PI4KA: variants seen among roughly 807,000 people sequenced by gnomAD.
PI4KA encodes PI4-kinase alpha.
Under a neutral mutation model 271.4 loss-of-function variants are expected in PI4KA, and 122 were observed. That is an observed-to-expected ratio of 0.45 (90% confidence interval 0.39 to 0.52). The LOEUF is 0.52. Ranked by LOEUF, PI4KA falls within the 20% of genes least tolerant of loss-of-function variation. The probability of loss-of-function intolerance (pLI) is 0.00; values close to 1 mark genes in which losing one functional copy is unlikely to be tolerated. For synonymous variants in PI4KA, 1,041 were observed against 1,078.8 expected (o/e 0.96, Z 0.69); for missense variants, 1,969 against 2,769.1 (o/e 0.71, Z 6.48).
chr22:20,747,044 C>T (rs541002130), intron 29 of PI4KA, among the ~76,000 whole-genome samples: 20 of 152,352 alleles, frequency 1.3e-4, no homozygotes, highest in African/African-American at 4.3e-4. Flanking sequence ...GCCCCAGTCA[C>T]ATGGCCAGGT....
intron 42 of PI4KA, among the ~76,000 whole-genome samples, chr22:20,722,756 C>T (rs911900075): frequency 1.3e-5 from 2 of 152,146 alleles, no homozygotes; most frequent in African/African-American, 4.8e-5. Flanking sequence ...GGTGAAGTGT[C>T]CCTTGGATGG....
At chr22:20,855,867 C>T (rs767920763) in intron 1 of PI4KA, among the ~76,000 whole-genome samples, 12 of 152,198 alleles carry the variant, frequency 7.9e-5, no homozygotes, top group Non-Finnish European at 1.6e-4. Flanking sequence ...CTAATAGTTA[C>T]AGGATTGAGG....
At chr22:20,832,096 C>A (rs1164689046) in intron 3 of PI4KA, among the ~76,000 whole-genome samples, 1 of 147,266 alleles carries the variant, frequency 6.8e-6, no homozygotes, top group Non-Finnish European at 1.5e-5. Flanking sequence ...TTGGTCAATT[C>A]TGTTGTTTAT....
intron 39 of PI4KA, among the ~76,000 whole-genome samples, chr22:20,729,068 T>C (rs1388363100): frequency 6.6e-6 from 1 of 152,206 alleles, no homozygotes; most frequent in Non-Finnish European, 1.5e-5. Context: ...ACCCTGCTGC[T>C]ACCTCCCTAG....
At chr22:20,782,953 T>TA (rs1240324825) in intron 19 of PI4KA, among the ~76,000 whole-genome samples, 1 of 150,954 alleles carries the variant, frequency 6.6e-6, no homozygotes, top group Non-Finnish European at 1.5e-5. Flanking sequence ...CTGGCTGCTC[T>TA]ACCCACCAGC....
At chr22:20,828,821 G>C (rs1923782923) in intron 3 of PI4KA, among the ~76,000 whole-genome samples, 1 of 152,144 alleles carries the variant, frequency 6.6e-6, no homozygotes, top group Non-Finnish European at 1.5e-5. Context: ...CCAAAGTGCT[G>C]GGATTACAGG....
At chr22:20,738,640 T>G (rs1485262644) in intron 32 of PI4KA, among the ~76,000 whole-genome samples, 4 of 151,660 alleles carry the variant, frequency 2.6e-5, no homozygotes, top group African/African-American at 9.7e-5. Context: ...CAGTGCCAGG[T>G]GTGAGTGTGA....
intron 23 of PI4KA, among the ~76,000 whole-genome samples, chr22:20,761,083 T>C (rs185583564): frequency 9.9e-4 from 151 of 152,312 alleles, no homozygotes; most frequent in Middle Eastern, 3.4e-3. Flanking sequence ...TGAGCATAGA[T>C]AGTGGGCTAG....
chr22:20,855,857 C>T (rs1481655589), intron 1 of PI4KA, among the ~76,000 whole-genome samples: 1 of 152,196 alleles, frequency 6.6e-6, no homozygotes, highest in African/African-American at 2.4e-5. Context: ...ATCTTTATTA[C>T]TAATAGTTAC....
chr22:20,767,089 T>C (rs1330117873), intron 19 of PI4KA, among the ~76,000 whole-genome samples: 6 of 152,034 alleles, frequency 3.9e-5, no homozygotes, highest in Non-Finnish European at 1.5e-5. Context: ...GCAAAATAAA[T>C]AGAAACACAC....
At position 20,752,990 on chromosome 22, in the gene PI4KA, T is replaced by C; in HGVS notation, c.2900A>G (p.His967Arg). The change falls in exon 25 of 55, where the codon CAC becomes CGC. Residue 967 changes from histidine (H) to arginine (R), a missense_variant. Around this residue, in one of 13 missense-constraint regions of PI4KA, gnomAD observed 368 missense variants for 544.3 expected, o/e 0.68. Transcript: ENST00000255882. ...TKENEEELER[H>R]AQFLLVNFNH... is the part of the protein sequence containing the mutation. ...GAAGTTCACCAACAGGAACTGAGCG[T>C]GCCGCTCCAGCTCCTCCTCGTTCTC... is the stretch of plus-strand genomic sequence containing the variant. 1 of 1,614,194 alleles carries C rather than the reference T, an allele frequency of 6.2e-7. No homozygotes were observed. The highest frequency in any genetic ancestry group is 8.5e-7 in the Non-Finnish European group (1 of 1,180,008).
At chr22:20,793,083 G>C (rs139978335) in intron 19 of PI4KA, 110 bp downstream of exon 19, 24 of 733,078 alleles carry the variant, frequency 3.3e-5, no homozygotes, top group Non-Finnish European at 5.0e-5. Context: ...TAGAGGCATA[G>C]GGGCCTCAAC....
intron 2 of PI4KA, 65 bp from the exon 3 acceptor site, chr22:20,834,720 C>G: frequency 9.5e-7 from 1 of 1,047,808 alleles, no homozygotes; most frequent in Middle Eastern, 2.5e-4. Context: ...AGCTTTTTAG[C>G]CCAGATTAAG....
intron 1 of PI4KA, among the ~76,000 whole-genome samples, chr22:20,855,348 G>A (rs568661381): frequency 1.3e-5 from 2 of 152,110 alleles, no homozygotes; most frequent in African/African-American, 4.8e-5. Context: ...ACATGTGCCA[G>A]GGACTACATA....
intron 3 of PI4KA, among the ~76,000 whole-genome samples, chr22:20,830,187 C>CT (rs1158539725): frequency 2.0e-5 from 3 of 152,184 alleles, no homozygotes; most frequent in Non-Finnish European, 4.4e-5. Context: ...TCCTGAATAT[C>CT]TTTAACAGTT....
intron 29 of PI4KA, among the ~76,000 whole-genome samples, chr22:20,745,600 TG>T (rs1229881840): frequency 1.3e-5 from 2 of 152,148 alleles, no homozygotes; most frequent in Non-Finnish European, 2.9e-5. Context: ...ATTATTAAAC[TG>T]GTTTATTTAA....
intron 17 of PI4KA, among the ~76,000 whole-genome samples, chr22:20,797,763 C>A (rs182274889): frequency 4.7e-5 from 7 of 148,230 alleles, no homozygotes; most frequent in African/African-American, 1.8e-4. Flanking sequence ...CACAGCTGCA[C>A]TCCCACCCAC....
chr22:20,765,531 C>G, intron 20 of PI4KA, 54 bp downstream of exon 20: 2 of 1,239,504 alleles, frequency 1.6e-6, no homozygotes, highest in South Asian at 2.4e-5. Flanking sequence ...TCTGACCTCA[C>G]CTTTACCTTC....
chr22:20,848,481 G>C (rs977319521), intron 1 of PI4KA, among the ~76,000 whole-genome samples: 1 of 152,092 alleles, frequency 6.6e-6, no homozygotes, highest in Non-Finnish European at 1.5e-5. Flanking sequence ...AAGTAATCAA[G>C]ACAGTATACT....
Sources: allele counts gnomAD v4.1 joint callset (sites outside exome capture counted in the v4.1 genomes callset), GRCh38; gene constraint gnomAD v4.1.1; regional missense constraint gnomAD v4.1.1; transcripts MANE v1.5; gene names NCBI Gene and HGNC (gene_info 2026-07-23, HGNC 2026-07-21).